CACNA1I: variants seen among roughly 807,000 people sequenced by gnomAD.
CACNA1I encodes the protein calcium voltage-gated channel subunit alpha1 I.
In CACNA1I, 74 loss-of-function variants were observed where a neutral mutation model predicts 201.6. That is an observed-to-expected ratio of 0.37 (90% confidence interval 0.30 to 0.45). The LOEUF (loss-of-function observed/expected upper bound fraction) is 0.45. CACNA1I is among the 20% of genes least tolerant of loss of function. The pLI, the probability that CACNA1I is intolerant of heterozygous loss-of-function variation, is 1.00. For missense variants in CACNA1I, 2,346 were observed against 3,138.1 expected (o/e 0.75, Z 6.03); for synonymous variants, 1,431 against 1,345.2 (o/e 1.06, Z -1.40).
chr22:39,622,333 T>C (rs1204775658), intron 4 of CACNA1I, among the ~76,000 whole-genome samples: 1 of 142,248 alleles, frequency 7.0e-6, no homozygotes, highest in Non-Finnish European at 1.5e-5. Flanking sequence ...GAGAAGGGGA[T>C]GTCTGAGTTG....
chr22:39,686,137 T>A lies in CACNA1I; in HGVS notation c.6404T>A (p.Leu2135His). The change falls in exon 37 of 37, where the codon CTC (leucine) becomes CAC (histidine). Residue 2135 changes from leucine (L) to histidine (H), a missense_variant. By Grantham distance (99) the Leu-to-His change is moderately conservative (BLOSUM62 -3). Transcript: ENST00000402142. ...ETLSSLSLTS[L>H]FCPPPPPPAP... ...CTCAGCAGCCTCTCGCTCACCTCCC[T>A]CTTCTGCCCGCCGCCCCCGCCGCCA... 1 of 1,179,446 alleles carries A rather than the reference T, an allele frequency of 8.5e-7. No individual in the cohort carries two copies. Among genetic ancestry groups the A allele is most frequent in the Non-Finnish European group, 1.0e-6 (1 of 953,248 alleles). The allele number at this position is 1,179,446 out of a possible 1,614,324, so 73.1% of individuals were successfully genotyped here.
At chr22:39,663,121 C>T (rs1935079967) in intron 18 of CACNA1I, among the ~76,000 whole-genome samples, 1 of 152,170 alleles carries the variant, frequency 6.6e-6, no homozygotes, top group African/African-American at 2.4e-5. Context: ...TTCCAAGATC[C>T]CTGGGGATCA....
rs544369719 is a variant in CACNA1I, at chr22:39,649,956, G to A, written c.1992+31G>A. On this transcript the variant is annotated intron_variant, in intron 10 of 36. Transcript: ENST00000402142. This position sits in a 1 kb window ranked among gnomAD's most constrained non-coding sequence, Gnocchi z 7.3. ...TGCAGCGCAGCCGGGCCGGGCCTGCGGGAGAGGTGTGAGGGCCCCAGGACC... is the reference window on the plus strand; with the variant it reads ...TGCAGCGCAGCCGGGCCGGGCCTGCAGGAGAGGTGTGAGGGCCCCAGGACC... 1.2e-4 allele frequency: 194 copies of A among 1,611,102 alleles called. No individual in the cohort carries two copies. Among genetic ancestry groups the A allele is most frequent in the South Asian group, 5.3e-4 (48 of 90,960 alleles).
In CACNA1I at chr22:39,688,498, T is replaced by A. The variant is rs1935948952; in HGVS notation, c.*2093T>A. ...TTGGAGGGAAGCAGACAGACTTGACTTTTTGCAAGTCCGCGTGTTGCTGGA... is the reference window on the plus strand; with the variant it reads ...TTGGAGGGAAGCAGACAGACTTGACATTTTGCAAGTCCGCGTGTTGCTGGA... On this transcript the variant is annotated 3_prime_UTR_variant, in exon 37 of 37. Coordinates refer to ENST00000402142, the MANE Select transcript of CACNA1I (RefSeq NM_021096.4). This position sits in a 1 kb window ranked among gnomAD's most constrained non-coding sequence, Gnocchi z 4.8. 6.6e-6 allele frequency: 1 copy of A among 152,170 alleles called. No homozygotes were observed. Among genetic ancestry groups the A allele is most frequent in the South Asian group, 2.1e-4 (1 of 4,816 alleles). 9.4% of individuals were successfully genotyped at this position (152,170 alleles called of 1,614,324 possible).
intron 19 of CACNA1I, 64 bp from the exon 20 acceptor site, chr22:39,664,027 G>T (rs1275406047): frequency 2.6e-6 from 4 of 1,555,374 alleles, no homozygotes; most frequent in Non-Finnish European, 3.5e-6. Flanking sequence ...CCAAAGCAGC[G>T]GCTGGCCAGT....
At chr22:39,612,370 T>C (rs1933409859) in intron 3 of CACNA1I, among the ~76,000 whole-genome samples, 1 of 152,186 alleles carries the variant, frequency 6.6e-6, no homozygotes, top group African/African-American at 2.4e-5. Flanking sequence ...CAGCAGAAAA[T>C]GGACTAAGAC....
intron 4 of CACNA1I, among the ~76,000 whole-genome samples, chr22:39,633,609 G>A (rs2041795217): frequency 6.6e-6 from 1 of 152,242 alleles, no homozygotes; most frequent in African/African-American, 2.4e-5. Flanking sequence ...AGAGGGAACA[G>A]CAGGGATAAA....
rs1372542445 is a variant in CACNA1I, at chr22:39,629,601, G to T, written c.581-4964G>T. Among the ~76,000 whole-genome samples the T allele has an allele frequency of 6.6e-6, 1 of 152,180 alleles. No individual in the cohort carries two copies. The highest frequency in any genetic ancestry group is 1.5e-5 in the Non-Finnish European group (1 of 68,024). The stretch of plus-strand genomic sequence containing the variant: ...AAGGCCCAATCATCAGGCCGTGAGG[G>T]TGGTGGAGAGGGCCCAGTGTCTGGC... On this transcript the variant is annotated intron_variant, in intron 4 of 36. Transcript: ENST00000402142. This position sits in a 1 kb window ranked among gnomAD's most constrained non-coding sequence, Gnocchi z 4.8.
At chr22:39,578,092 A>G (rs1344685168) in intron 1 of CACNA1I, among the ~76,000 whole-genome samples, 1 of 145,502 alleles carries the variant, frequency 6.9e-6, no homozygotes, top group Non-Finnish European at 1.5e-5. Context: ...GGGCTTGGCC[A>G]GGGTGGGAAA....
Position 39,665,845 on chromosome 22 carries a change from A to C in CACNA1I, c.3979-36A>C. On this transcript the variant is annotated intron_variant, in intron 22 of 36. Coordinates refer to ENST00000402142, the MANE Select transcript of CACNA1I (RefSeq NM_021096.4). This position sits in a 1 kb window ranked among gnomAD's most constrained non-coding sequence, Gnocchi z 5.5. The stretch of plus-strand genomic sequence containing the variant: ...AGTTCCTCTCTGACTTGCAACCCTC[A>C]CCTGTGAGAGCACCAACCTCACCCC... The C allele has an allele frequency of 6.2e-7, 1 of 1,613,190 alleles. No homozygotes were observed. The highest frequency in any genetic ancestry group is 8.5e-7 in the Non-Finnish European group (1 of 1,179,500).
In CACNA1I at chr22:39,659,821, T is replaced by C; in HGVS notation, c.2573T>C (p.Val858Ala). Residue 858 changes from valine (V) to alanine (A), a missense_variant, in exon 14 of 37, where the codon GTG (valine) becomes GCG (alanine). Val to Ala is a moderately conservative substitution (Grantham distance 64). Transcript: ENST00000402142. The surrounding 1 kb of genome is among the most constrained non-coding windows in gnomAD (Gnocchi z 4.3). ...FGNYVLFNLL[V>A]AILVEGFQAE... is the part of the protein sequence containing the mutation. ...AACTATGTGCTCTTCAACCTGCTGG[T>C]GGCCATCCTGGTGGAGGGCTTCCAG... The C allele has an allele frequency of 6.2e-7, 1 of 1,613,902 alleles. No homozygotes were observed. Among genetic ancestry groups the C allele is most frequent in the Non-Finnish European group, 8.5e-7 (1 of 1,179,860 alleles).
At chr22:39,613,417 G>A (rs1055587054) in intron 3 of CACNA1I, among the ~76,000 whole-genome samples, 2 of 152,182 alleles carry the variant, frequency 1.3e-5, no homozygotes, top group African/African-American at 4.8e-5. Flanking sequence ...TCTGGAGAGG[G>A]CCTCATGTGA....
intron 4 of CACNA1I, among the ~76,000 whole-genome samples, chr22:39,620,113 G>GTCCGTCCATCCATCTACCTC (rs1933692119): frequency 5.9e-5 from 5 of 84,476 alleles, no homozygotes; most frequent in Non-Finnish European, 1.1e-4. Context: ...CCATCTACCT[G>GTCCGTCCATCCATCTACCTC]TCCACCCATC....
chr22:39,679,133 C>T lies in CACNA1I; in HGVS notation c.5082C>T (p.Asp1694=), dbSNP rs776203223. 73 of 1,594,234 alleles carry T rather than the reference C, an allele frequency of 4.6e-5. No homozygotes were observed. Among genetic ancestry groups the T allele is most frequent in the Non-Finnish European group, 3.8e-5 (44 of 1,171,560 alleles). The change falls in exon 32 of 37, where the codon GAC becomes GAT. Residue 1694 remains aspartate, a synonymous_variant. Coordinates refer to ENST00000402142, the MANE Select transcript of CACNA1I (RefSeq NM_021096.4). The part of the protein sequence containing the change: ...MKDTLRDCTH[D]ERSCLSSLQF... ...ACACGCTGCGGGACTGCACCCACGA[C>T]GAGCGCAGCTGCCTGAGCAGCCTGC...
chr22:39,602,064 C>T (rs577083211), intron 3 of CACNA1I, among the ~76,000 whole-genome samples: 2 of 54,920 alleles, frequency 3.6e-5, no homozygotes, highest in Non-Finnish European at 7.0e-5. Context: ...CCCTCCCTCC[C>T]TCCCTTCCTT....
chr22:39,619,539 G>T (rs1933665205), intron 4 of CACNA1I, 132 bp downstream of exon 4: 2 of 688,050 alleles, frequency 2.9e-6, no homozygotes, highest in East Asian at 5.2e-5. Flanking sequence ...TAGGGCCCGG[G>T]TGTGCTCAGG....
rs539160743 is a variant in CACNA1I at position 39,578,731 on chromosome 22, A to C, written c.236+7743A>C. On this transcript the variant is annotated intron_variant, in intron 1 of 36. Transcript: ENST00000402142. The stretch of plus-strand genomic sequence containing the variant: ...TGCTGATTCTTTCCTCACTCCCCGT[A>C]GCTCCTGGGAATCGGCTAACTGAGC... 4.6e-5 allele frequency among the ~76,000 whole-genome samples: 7 copies of C among 152,140 alleles called. No homozygotes were observed. The South Asian group carries it at 1.0e-3, about 23-fold the overall frequency.
intron 1 of CACNA1I, among the ~76,000 whole-genome samples, chr22:39,592,715 C>T (rs1932836765): frequency 6.6e-6 from 1 of 152,224 alleles, no homozygotes; most frequent in African/African-American, 2.4e-5. Flanking sequence ...CCTTGGGTCT[C>T]CAGCTTCCCT....
Position 39,659,331 on chromosome 22 carries a change from TC to T in CACNA1I, c.2331-97del. On this transcript the variant is annotated intron_variant, in intron 12 of 36. Coordinates refer to ENST00000402142, the MANE Select transcript of CACNA1I (RefSeq NM_021096.4). This position sits in a 1 kb window ranked among gnomAD's most constrained non-coding sequence, Gnocchi z 4.3. Reference sequence around the variant, plus strand: ...AAAATGGGACCAACGCTGCCCCGCCTCCCCCTGCCCTGCATTTTACTGAGTT... The same window carrying T: ...AAAATGGGACCAACGCTGCCCCGCCTCCCCTGCCCTGCATTTTACTGAGTT... The T allele has an allele frequency of 3.1e-6, 3 of 969,460 alleles. No homozygotes were observed. Among genetic ancestry groups the T allele is most frequent in the Non-Finnish European group, 3.2e-6 (2 of 630,444 alleles). 60.1% of individuals were successfully genotyped at this position (969,460 alleles called of 1,614,324 possible).
Sources: gnomAD v4.1 joint callset for allele counts (sites outside exome capture counted in the v4.1 genomes callset) on GRCh38, gnomAD v4.1.1 for gene constraint, Gnocchi (gnomAD v3.1) non-coding constraint, MANE v1.5 for transcripts, NCBI Gene and HGNC (gene_info 2026-07-23, HGNC 2026-07-21) for gene names.